Variants in ABCA13 observed in about 807,000 individuals in gnomAD.
ABCA13 encodes the protein ATP binding cassette subfamily A member 13, also known as ATP-binding cassette sub-family A member 13.
A neutral mutation model predicts 478.7 loss-of-function variants in ABCA13; 476 were observed. The ratio of observed to expected loss-of-function variants is 0.99; its 90% CI spans 0.92 to 1.07. ABCA13 has a LOEUF of 1.07. ABCA13 is among the 50% of genes least tolerant of loss of function. The pLI is 0.00. For synonymous variants in ABCA13, 2,252 were observed against 2,158.9 expected, an observed-to-expected ratio of 1.04 and a Z score of -1.20; for missense variants, 6,060 against 5,910.6, an observed-to-expected ratio of 1.03 and a Z score of -0.83.
At chr7:48,364,615 A>G (rs998227326) in intron 31 of ABCA13, among the ~76,000 whole-genome samples, 1 of 151,984 alleles carries the variant, frequency 6.6e-6, no homozygotes, top group Non-Finnish European at 1.5e-5. Flanking sequence ...TTCTACCTCA[A>G]TGAGTTCATT....
chr7:48,213,199 G>A (rs554886744), intron 3 of ABCA13, among the ~76,000 whole-genome samples: 117 of 152,194 alleles, frequency 7.7e-4, no homozygotes, highest in African/African-American at 2.6e-3. Flanking sequence ...AATACATTGG[G>A]ACCTTTGTTT....
rs1256835560 is a variant in ABCA13 at position 48,367,794 on chromosome 7, A to AT, written c.10691dup (p.Leu3565ProfsTer30). On this transcript the variant is annotated frameshift_variant and splice_region_variant, in exon 32 of 62. Coordinates refer to ENST00000435803, the MANE Select transcript of ABCA13 (RefSeq NM_152701.5). LOFTEE classifies it high-confidence loss of function. ...TGCTGACTGAATTATCCCCTTACAGATTCCTGAACAACGTTGGTTTCTTTT... is the reference window on the plus strand; with the variant it reads ...TGCTGACTGAATTATCCCCTTACAGATTTCCTGAACAACGTTGGTTTCTTTT... 1.3e-6 allele frequency: 2 copies of AT among 1,558,522 alleles called. No homozygotes were observed. Among genetic ancestry groups the AT allele is most frequent in the Non-Finnish European group, 1.7e-6 (2 of 1,149,464 alleles).
chr7:48,585,876 G>A (rs1370511900), intron 56 of ABCA13, among the ~76,000 whole-genome samples: 1 of 151,880 alleles, frequency 6.6e-6, no homozygotes, highest in African/African-American at 2.4e-5. Flanking sequence ...TGCTAAGTTG[G>A]AAACAAAAAA....
intron 58 of ABCA13, among the ~76,000 whole-genome samples, chr7:48,600,480 G>A (rs1217108617): frequency 6.6e-6 from 1 of 151,698 alleles, no homozygotes; most frequent in Admixed American, 6.6e-5. Flanking sequence ...AATGTCTCCT[G>A]TGTTTCTTGT....
chr7:48,414,395 A>G (rs1229103682), intron 41 of ABCA13, among the ~76,000 whole-genome samples: 3 of 152,020 alleles, frequency 2.0e-5, no homozygotes, highest in African/African-American at 4.8e-5. Context: ...GCCCACCTCT[A>G]TAGCAGCAGT....
At chr7:48,370,706 CA>C (rs1438559637) in intron 32 of ABCA13, among the ~76,000 whole-genome samples, 2 of 152,270 alleles carry the variant, frequency 1.3e-5, no homozygotes, top group Non-Finnish European at 2.9e-5. Flanking sequence ...TACAACCTAT[CA>C]AAACCTTTGG....
At chr7:48,533,685 G>A (rs777271581) in intron 55 of ABCA13, among the ~76,000 whole-genome samples, 32 of 151,976 alleles carry the variant, frequency 2.1e-4, no homozygotes, top group Non-Finnish European at 4.3e-4. Flanking sequence ...ATTGTTAGGT[G>A]CATATATGTT....
At chr7:48,412,661 A>C in intron 41 of ABCA13, 78 bp downstream of exon 41, 14 of 889,048 alleles carry the variant, frequency 1.6e-5, no homozygotes, top group Admixed American at 8.8e-5. Flanking sequence ...GATGTGGGTA[A>C]AGGGGGGGAG....
chr7:48,439,657 CA>C (rs542831715), intron 42 of ABCA13, among the ~76,000 whole-genome samples: 2 of 152,128 alleles, frequency 1.3e-5, no homozygotes, highest in African/African-American at 4.8e-5. Flanking sequence ...ACATAAAGCT[CA>C]AAAACAGGCA....
intron 55 of ABCA13, among the ~76,000 whole-genome samples, chr7:48,531,457 A>G (rs1203029792): frequency 6.6e-6 from 1 of 151,874 alleles, no homozygotes; most frequent in Non-Finnish European, 1.5e-5. Context: ...TTGCTTAGCA[A>G]TTGCTTTGGC....
intron 55 of ABCA13, among the ~76,000 whole-genome samples, chr7:48,568,954 C>A (rs1481780739): frequency 6.6e-6 from 1 of 151,726 alleles, no homozygotes; most frequent in Non-Finnish European, 1.5e-5. Flanking sequence ...TTTTCCATTT[C>A]TTTAAGATTG....
intron 50 of ABCA13, among the ~76,000 whole-genome samples, chr7:48,509,180 T>G (rs755752349): frequency 1.4e-4 from 21 of 152,194 alleles, no homozygotes; most frequent in Non-Finnish European, 2.8e-4. Flanking sequence ...TGACAAATTC[T>G]GGGTCTTTAA....
At chr7:48,317,100 A>G (rs1314563443) in intron 26 of ABCA13, 57 bp from the exon 27 acceptor site, 30 of 1,551,128 alleles carry the variant, frequency 1.9e-5, no homozygotes, top group Non-Finnish European at 2.2e-5. Flanking sequence ...GAATTTCCCT[A>G]TTAACCTAGG....
intron 29 of ABCA13, among the ~76,000 whole-genome samples, chr7:48,349,016 C>T (rs1173032465): frequency 6.6e-6 from 1 of 152,196 alleles, no homozygotes; most frequent in Non-Finnish European, 1.5e-5. Flanking sequence ...TTGAAACTTA[C>T]TGGTTGCTTA....
Position 48,244,699 on chromosome 7 carries a change from C to T in ABCA13, c.1386C>T (p.Val462=), listed in dbSNP as rs1325351491. ...CGATAGCTCAGAATTTACATTTTGT[C>T]CAAGGTAAGCTAGCTTTGGTGTTAT... is the stretch of plus-strand genomic sequence containing the variant. ...RNAIAQNLHF[V]QEVLICLETS... is the part of the protein sequence containing the mutation. The change falls in exon 11 of 62, where the codon GTC becomes GTT. Residue 462 remains valine (V), a synonymous_variant. Coordinates refer to ENST00000435803, the MANE Select transcript of ABCA13 (RefSeq NM_152701.5). 1 of 1,592,960 alleles carries T rather than the reference C, an allele frequency of 6.3e-7. No individual in the cohort carries two copies. Among genetic ancestry groups the T allele is most frequent in the Admixed American group, 1.7e-5 (1 of 58,066 alleles).
At chr7:48,314,557 T>TGGC in intron 26 of ABCA13, 148 bp downstream of exon 26, 1 of 755,794 alleles carries the variant, frequency 1.3e-6, no homozygotes. Flanking sequence ...AATGCTGGCA[T>TGGC]GGCAGCTGAC....
At chr7:48,547,028 A>G (rs1285953108) in intron 55 of ABCA13, among the ~76,000 whole-genome samples, 1 of 151,862 alleles carries the variant, frequency 6.6e-6, no homozygotes, top group Non-Finnish European at 1.5e-5. Flanking sequence ...ATTTTACATC[A>G]AAGTGATTTT....
At chr7:48,579,263 A>G (rs916826990) in intron 55 of ABCA13, among the ~76,000 whole-genome samples, 6 of 152,252 alleles carry the variant, frequency 3.9e-5, no homozygotes, top group African/African-American at 1.4e-4. Context: ...TGAAATACAT[A>G]AAGAATCCTT....
Position 48,212,067 on chromosome 7 carries a change from A to G in ABCA13, c.288-7287A>G, listed in dbSNP as rs558495784. 9.6e-4 allele frequency among the ~76,000 whole-genome samples: 146 copies of G among 152,220 alleles called. 2 individuals are homozygous for G. The highest frequency in any genetic ancestry group is 3.2e-3 in the African/African-American group (134 of 41,526). ...TGCCTGCCACTCAAATTTATTTGGG[A>G]TCTCAAACCACTTTATCAGCCTGTA... On this transcript the variant is annotated intron_variant, in intron 3 of 61. Coordinates refer to ENST00000435803, the MANE Select transcript of ABCA13 (RefSeq NM_152701.5).
Sources: allele counts gnomAD v4.1 joint callset (sites outside exome capture counted in the v4.1 genomes callset), GRCh38; gene constraint gnomAD v4.1.1; transcripts MANE v1.5; gene names NCBI Gene and HGNC (gene_info 2026-07-23, HGNC 2026-07-21).